Variants in DPP10 observed in about 807,000 individuals in gnomAD.
DPP10 encodes the protein dipeptidyl peptidase like 10.
DPP10 carries 33 observed loss-of-function variants against 120.9 expected under a neutral mutation model. The observed-to-expected ratio is 0.27, with a 90% CI of 0.21 to 0.37. The LOEUF (loss-of-function observed/expected upper bound fraction) is 0.37. Ranked by LOEUF, DPP10 falls within the 10% of genes least tolerant of loss-of-function variation. The pLI is 1.00. For synonymous variants in DPP10, 337 were observed against 326.1 expected (o/e 1.03, Z -0.36); for missense variants, 816 against 942.8 (o/e 0.87, Z 1.76).
Position 115,768,363 on chromosome 2 carries a change from G to A in DPP10, c.1180G>A (p.Gly394Arg). 6.2e-7 allele frequency: 1 copy of A among 1,613,596 alleles called. No homozygotes were observed. Residue 394 changes from glycine to arginine, a missense_variant, in exon 13 of 26, where the codon GGA (glycine) becomes AGA (arginine). Physicochemically the swap from Gly to Arg is moderately radical, Grantham distance 125. Transcript: ENST00000410059. ...TATGACAGTGCCTGTTAAGCAAGGG[G>A]GACGTGGAGAATTTCACCACGTAGC... Reference protein sequence around the residue: ...FFMTVPVKQGGRGEFHHVAMF... With the variant: ...FFMTVPVKQGRRGEFHHVAMF...
chr2:114,997,405 T>A (rs538033333), intron 1 of DPP10, among the ~76,000 whole-genome samples: 1 of 151,378 alleles, frequency 6.6e-6, no homozygotes, highest in African/African-American at 2.4e-5. Flanking sequence ...GGCAGAAGGA[T>A]TGCTTGAACC....
chr2:114,989,930 TAGTACTA>T (rs1370364487), intron 1 of DPP10, among the ~76,000 whole-genome samples: 1 of 152,214 alleles, frequency 6.6e-6, no homozygotes, highest in Admixed American at 6.5e-5. Flanking sequence ...TATTCATTCC[TAGTACTA>T]AAATATAATG....
At chr2:114,663,384 T>C (rs1218458903) in intron 1 of DPP10, among the ~76,000 whole-genome samples, 2 of 150,626 alleles carry the variant, frequency 1.3e-5, no homozygotes, top group Admixed American at 6.6e-5. Context: ...TAATCCATCT[T>C]CCCCTTGTCT....
chr2:114,637,672 G>C (rs59489317), intron 1 of DPP10, among the ~76,000 whole-genome samples: 1 of 151,738 alleles, frequency 6.6e-6, no homozygotes, highest in South Asian at 2.1e-4. Context: ...TGTGCTGACA[G>C]GTGGGGGTCT....
intron 1 of DPP10, among the ~76,000 whole-genome samples, chr2:115,070,215 T>C (rs577285438): frequency 2.6e-5 from 4 of 152,266 alleles, no homozygotes; most frequent in African/African-American, 9.6e-5. Context: ...TTTAGGACTA[T>C]GCTTGTCAGC....
chr2:115,407,562 A>G (rs2068612564), intron 3 of DPP10, among the ~76,000 whole-genome samples: 1 of 152,138 alleles, frequency 6.6e-6, no homozygotes, highest in Non-Finnish European at 1.5e-5. Flanking sequence ...GGGACAAACC[A>G]GGTTATTAGA....
In DPP10 at chr2:114,928,221, C is replaced by T. The variant is rs528923150; in HGVS notation, c.61-381018C>T. On this transcript the variant is annotated intron_variant, in intron 1 of 25. Coordinates refer to ENST00000410059, the MANE Select transcript of DPP10 (RefSeq NM_020868.6). The stretch of plus-strand genomic sequence containing the variant: ...GTTCCAGCATCAACTCAAAAGCTCA[C>T]GTTCCAAAGTCTCACCTGAGACTCA... 5.3e-5 allele frequency among the ~76,000 whole-genome samples: 8 copies of T among 152,314 alleles called. No homozygotes were observed. The East Asian group carries it at 1.5e-3, about 29-fold the overall frequency.
At chr2:114,640,850 C>T (rs1055468005) in intron 1 of DPP10, among the ~76,000 whole-genome samples, 19 of 151,870 alleles carry the variant, frequency 1.3e-4, no homozygotes, top group South Asian at 2.1e-4. Flanking sequence ...CAAGTCAACC[C>T]GGTCTTGGAA....
chr2:114,837,359 C>T (rs989962165), intron 1 of DPP10, among the ~76,000 whole-genome samples: 3 of 152,166 alleles, frequency 2.0e-5, no homozygotes, highest in African/African-American at 7.2e-5. Context: ...CTTCCCGCAA[C>T]AGCTATTTCA....
At chr2:114,975,253 C>T (rs1213806783) in intron 1 of DPP10, among the ~76,000 whole-genome samples, 1 of 152,094 alleles carries the variant, frequency 6.6e-6, no homozygotes, top group African/African-American at 2.4e-5. Context: ...ATCATGTTGG[C>T]CAAGGTGGTC....
chr2:115,815,780 T>C (rs551787777), intron 21 of DPP10, 51 bp downstream of exon 21: 6 of 1,532,448 alleles, frequency 3.9e-6, no homozygotes, highest in East Asian at 2.3e-5. Flanking sequence ...CTATGTTATG[T>C]AATATCCTAT....
At chr2:115,006,241 C>T (rs1034262423) in intron 1 of DPP10, among the ~76,000 whole-genome samples, 7 of 151,944 alleles carry the variant, frequency 4.6e-5, no homozygotes, top group African/African-American at 7.3e-5. Context: ...AAGGAACAAC[C>T]GGTACCAGAC....
chr2:115,782,877 T>C (rs892323192), intron 17 of DPP10, among the ~76,000 whole-genome samples: 15 of 152,100 alleles, frequency 9.9e-5, no homozygotes, highest in African/African-American at 2.9e-4. Context: ...ATTTATTCAT[T>C]TGTATATTTG....
At chr2:114,968,655 C>T (rs1054388031) in intron 1 of DPP10, among the ~76,000 whole-genome samples, 2 of 152,142 alleles carry the variant, frequency 1.3e-5, no homozygotes, top group Non-Finnish European at 2.9e-5. Context: ...AAGTCTATTT[C>T]CTTACACCAG....
At chr2:114,742,640 T>A (rs1233747090) in intron 1 of DPP10, among the ~76,000 whole-genome samples, 1 of 152,252 alleles carries the variant, frequency 6.6e-6, no homozygotes, top group Non-Finnish European at 1.5e-5. Flanking sequence ...TGTTTCTATG[T>A]TGTTTTGGGT....
At chr2:115,650,170 T>G (rs980075815) in intron 5 of DPP10, among the ~76,000 whole-genome samples, 1 of 152,134 alleles carries the variant, frequency 6.6e-6, no homozygotes, top group Non-Finnish European at 1.5e-5. Context: ...TAAACAGATC[T>G]TAGGCACACA....
chr2:114,840,833 C>A (rs992688630), intron 1 of DPP10, among the ~76,000 whole-genome samples: 1 of 152,154 alleles, frequency 6.6e-6, no homozygotes, highest in Admixed American at 6.6e-5. Flanking sequence ...TTTCCCTGAA[C>A]CTTATATGTG....
chr2:115,527,842 T>A (rs2148904581), intron 5 of DPP10, among the ~76,000 whole-genome samples: 1 of 152,162 alleles, frequency 6.6e-6, no homozygotes, highest in South Asian at 2.1e-4. Flanking sequence ...AATGGTTAAT[T>A]TTTTTTAAGT....
intron 1 of DPP10, among the ~76,000 whole-genome samples, chr2:114,665,907 T>G (rs1238996600): frequency 6.6e-6 from 1 of 152,178 alleles, no homozygotes; most frequent in Non-Finnish European, 1.5e-5. Flanking sequence ...AAAAGCAGAC[T>G]TGCCTATACT....
Sources: gnomAD v4.1 joint callset for allele counts (sites outside exome capture counted in the v4.1 genomes callset) on GRCh38, gnomAD v4.1.1 for gene constraint, MANE v1.5 for transcripts, NCBI Gene and HGNC (gene_info 2026-07-23, HGNC 2026-07-21) for gene names.